The following ANKRD30A variants were observed in gnomAD, a reference collection of about 807,000 sequenced individuals.
The protein encoded by ANKRD30A is ankyrin repeat domain-containing protein 30A.
In ANKRD30A, 170 loss-of-function variants were observed where a neutral mutation model predicts 166.3. The observed-to-expected ratio is 1.02, with a 90% CI of 0.90 to 1.16. The LOEUF (loss-of-function observed/expected upper bound fraction) is 1.16, where lower values mean the gene tolerates loss of function less well. Ranked by LOEUF, ANKRD30A falls within the 50% of genes most tolerant of loss-of-function variation. The pLI, the probability that ANKRD30A is intolerant of heterozygous loss-of-function variation, is 0.00. For synonymous variants in ANKRD30A, 564 were observed against 508.9 expected (o/e 1.11, Z -1.46); for missense variants, 1,630 against 1,518.0 (o/e 1.07, Z -1.23).
the ANKRD30A span, among the ~76,000 whole-genome samples, chr10:37,254,475 A>C: frequency 1.3e-5 from 2 of 152,074 alleles, no homozygotes; most frequent in Non-Finnish European, 2.9e-5. Context: ...TGGTGATCTT[A>C]GGCTTTTCTT....
the ANKRD30A span, among the ~76,000 whole-genome samples, chr10:37,251,184 T>C: frequency 6.6e-6 from 1 of 152,146 alleles, no homozygotes. Flanking sequence ...TAGGGGCTGC[T>C]ATTGAGTTGA....
the ANKRD30A span, among the ~76,000 whole-genome samples, chr10:37,247,285 G>A: frequency 6.6e-6 from 1 of 152,128 alleles, no homozygotes; most frequent in African/African-American, 2.4e-5. Context: ...CTCAGGTAAC[G>A]GTGGTGTCAC....
chr10:37,214,609 T>G (rs1385268081), intron 31 of ANKRD30A, among the ~76,000 whole-genome samples: 2 of 150,424 alleles, frequency 1.3e-5, no homozygotes, highest in East Asian at 3.9e-4. Flanking sequence ...CTTTATGATT[T>G]AGTCATATCT....
intron 13 of ANKRD30A, among the ~76,000 whole-genome samples, chr10:37,157,963 A>C (rs564959766): frequency 8.6e-4 from 131 of 152,078 alleles, no homozygotes; most frequent in African/African-American, 2.6e-3. Context: ...ATATTGACAT[A>C]AGTGATTCTG....
At chr10:37,217,405 T>A (rs1842658966) in intron 32 of ANKRD30A, among the ~76,000 whole-genome samples, 1 of 150,958 alleles carries the variant, frequency 6.6e-6, no homozygotes, top group Admixed American at 6.6e-5. Flanking sequence ...AAAATAATTT[T>A]CAACTTATAA....
intron 6 of ANKRD30A, among the ~76,000 whole-genome samples, chr10:37,141,329 T>C (rs1223997743): frequency 1.3e-5 from 2 of 152,100 alleles, no homozygotes; most frequent in Admixed American, 1.3e-4. Context: ...CCTAGCACTC[T>C]GGGAGGCCAA....
At chr10:37,216,442 A>G (rs754811282) in intron 32 of ANKRD30A, 48 bp downstream of exon 32, 3 of 1,500,404 alleles carry the variant, frequency 2.0e-6, no homozygotes, top group Admixed American at 4.4e-5. Context: ...TTATACTAAA[A>G]CTACGTAGGA....
intron 15 of ANKRD30A, among the ~76,000 whole-genome samples, chr10:37,160,725 A>T (rs1469520625): frequency 6.6e-6 from 1 of 152,066 alleles, no homozygotes; most frequent in Non-Finnish European, 1.5e-5. Flanking sequence ...CCTAGAGAGG[A>T]TCTAGACTTT....
intron 13 of ANKRD30A, among the ~76,000 whole-genome samples, chr10:37,154,808 C>T (rs541320476): frequency 4.4e-4 from 67 of 152,202 alleles, no homozygotes; most frequent in Middle Eastern, 6.8e-3. Flanking sequence ...CTGCAGAATG[C>T]TAGAGTGTGG....
chr10:37,242,616 C>A, the ANKRD30A span, among the ~76,000 whole-genome samples: 4 of 152,268 alleles, frequency 2.6e-5, no homozygotes, highest in African/African-American at 9.6e-5. Flanking sequence ...ATAAAAAAGT[C>A]ATGACTTTAC....
chr10:37,196,440 G>A (rs1211207407), intron 27 of ANKRD30A, among the ~76,000 whole-genome samples: 2 of 152,058 alleles, frequency 1.3e-5, no homozygotes, highest in South Asian at 2.1e-4. Context: ...TGTTGTTTTG[G>A]TAAAATTGCC....
rs183293578 is a variant in ANKRD30A, at chr10:37,195,231, G to C, written c.2614+1973G>C. Among the ~76,000 whole-genome samples the C allele has an allele frequency of 3.6e-3, 542 of 152,238 alleles. 6 individuals carry two copies. Among genetic ancestry groups the C allele is most frequent in the African/African-American group, 9.9e-3 (411 of 41,536 alleles). Reference sequence around the variant, plus strand: ...TATGAAATAATGTCTGAAGTTGCACGTCTGAGTCTTTTTTCTCTTTTTCTT... The same window carrying C: ...TATGAAATAATGTCTGAAGTTGCACCTCTGAGTCTTTTTTCTCTTTTTCTT... On this transcript the variant is annotated intron_variant, in intron 27 of 35. Transcript: ENST00000361713.
chr10:37,240,231 C>T, the ANKRD30A span, among the ~76,000 whole-genome samples: 2 of 152,214 alleles, frequency 1.3e-5, no homozygotes, highest in East Asian at 1.9e-4. Context: ...AGAAAAGTCT[C>T]AAGTAGTCGG....
At chr10:37,246,776 G>C in the ANKRD30A span, among the ~76,000 whole-genome samples, 1 of 152,172 alleles carries the variant, frequency 6.6e-6, no homozygotes, top group Non-Finnish European at 1.5e-5. Context: ...CAACATGTTG[G>C]ATGGGATGAT....
chr10:37,132,485 G>A (rs918956092), intron 4 of ANKRD30A, 139 bp downstream of exon 4: 9 of 507,934 alleles, frequency 1.8e-5, no homozygotes, highest in Admixed American at 4.0e-5. Context: ...CAGAAGAAAA[G>A]CAATTATTTG....
the ANKRD30A span, among the ~76,000 whole-genome samples, chr10:37,251,635 G>A: frequency 4.5e-3 from 679 of 152,180 alleles, 8 homozygotes; most frequent in African/African-American, 0.015. Flanking sequence ...AATTTTCTCC[G>A]CCATCCATGC....
chr10:37,178,299 C>T (rs552143983), intron 24 of ANKRD30A, among the ~76,000 whole-genome samples: 1 of 151,370 alleles, frequency 6.6e-6, no homozygotes, highest in South Asian at 2.1e-4. Context: ...GTTCTATTTG[C>T]AATAGGTGAG....
chr10:37,202,593 C>A (rs951035494), intron 31 of ANKRD30A, among the ~76,000 whole-genome samples: 2 of 152,002 alleles, frequency 1.3e-5, no homozygotes, highest in Admixed American at 1.3e-4. Flanking sequence ...GAAGCAAGAG[C>A]AAACACATTC....
chr10:37,256,971 C>G, the ANKRD30A span, among the ~76,000 whole-genome samples: 2 of 151,956 alleles, frequency 1.3e-5, no homozygotes, highest in South Asian at 4.2e-4. Flanking sequence ...GGAATGGTAC[C>G]AGCTCCTCTT....
Sources: gnomAD v4.1 joint callset for allele counts (sites outside exome capture counted in the v4.1 genomes callset) on GRCh38, gnomAD v4.1.1 for gene constraint, MANE v1.5 for transcripts, NCBI Gene and HGNC (gene_info 2026-07-23, HGNC 2026-07-21) for gene names.